BTBD2: variants seen among roughly 807,000 people sequenced by gnomAD.
BTBD2 encodes BTB/POZ domain-containing protein 2.
Under a neutral mutation model 44.0 loss-of-function variants are expected in BTBD2, and 15 were observed. The observed-to-expected ratio is 0.34, with a 90% CI of 0.23 to 0.53. The LOEUF is 0.53. Among genes scored for constraint, BTBD2 ranks in the 20% least tolerant of loss-of-function variants. The pLI is 0.95. For missense variants in BTBD2, 657 were observed against 746.4 expected (o/e 0.88, Z 1.39); for synonymous variants, 443 against 335.9 (o/e 1.32, Z -3.49).
Position 1,989,013 on chromosome 19 carries a change from A to G in BTBD2, c.988+991T>C, listed in dbSNP as rs187203463. Among the ~76,000 whole-genome samples, 150 of 152,234 alleles carry G rather than the reference A, an allele frequency of 9.9e-4. 4 individuals carry two copies. The East Asian group carries it at 0.025, about 26-fold the overall frequency. On this transcript the variant is annotated intron_variant, in intron 5 of 8. Coordinates refer to ENST00000255608, the MANE Select transcript of BTBD2 (RefSeq NM_017797.4). ...TCACAACCTCCACCTCCTGGGTTCAAGTGATTCTCCTGCCTCAGCCTCCCG... is the reference window on the plus strand; with the variant it reads ...TCACAACCTCCACCTCCTGGGTTCAGGTGATTCTCCTGCCTCAGCCTCCCG...
rs2016264552 is a variant in BTBD2 at position 1,997,346 on chromosome 19, G to A, written c.525C>T (p.Leu175=). The A allele has an allele frequency of 6.2e-7, 1 of 1,614,022 alleles. No homozygotes were observed. The highest frequency in any genetic ancestry group is 1.7e-5 in the Admixed American group (1 of 59,978). ...DVEPAAFLAL[L]KFLYSDEVQI... is the part of the protein sequence containing the mutation. ...CAGGAAGCATCCGGAAGCATTACTT[G>A]AGCAGTGCGAGGAAGGCAGCGGGTT... The change falls in exon 2 of 9, where the codon CTC becomes CTT. Residue 175 remains leucine, a splice_region_variant and synonymous_variant. Transcript: ENST00000255608.
chr19:2,013,058 C>A, intron 1 of BTBD2, among the ~76,000 whole-genome samples: 1 of 152,174 alleles, frequency 6.6e-6, no homozygotes, highest in East Asian at 1.9e-4. Context: ...GCGACACGGA[C>A]GGCACAAGCC....
chr19:2,009,898 A>C (rs1281139168), intron 1 of BTBD2, among the ~76,000 whole-genome samples: 1 of 151,782 alleles, frequency 6.6e-6, no homozygotes, highest in Non-Finnish European at 1.5e-5. Flanking sequence ...TCACGCCTGT[A>C]ATCCCAGCAC....
At chr19:2,007,791 G>C (rs2016413331) in intron 1 of BTBD2, among the ~76,000 whole-genome samples, 1 of 152,070 alleles carries the variant, frequency 6.6e-6, no homozygotes, top group South Asian at 2.1e-4. Flanking sequence ...TCATGCCACT[G>C]CACTTCAGCC....
intron 1 of BTBD2, among the ~76,000 whole-genome samples, chr19:2,004,653 A>G (rs1185963559): frequency 6.8e-6 from 1 of 147,312 alleles, no homozygotes; most frequent in Non-Finnish European, 1.5e-5. Flanking sequence ...CAGGGTTCAC[A>G]TAACAAACCT....
intron 1 of BTBD2, among the ~76,000 whole-genome samples, chr19:2,009,407 C>G (rs958269740): frequency 6.6e-6 from 1 of 151,666 alleles, no homozygotes; most frequent in African/African-American, 2.4e-5. Flanking sequence ...ACCATGTTGT[C>G]CAGGCTGGTC....
chr19:1,996,553 A>G (rs2016253880), intron 2 of BTBD2, among the ~76,000 whole-genome samples: 1 of 150,970 alleles, frequency 6.6e-6, no homozygotes, highest in Non-Finnish European at 1.5e-5. Flanking sequence ...GTCAAAAAAA[A>G]AAAAAAAAAG....
chr19:1,999,945 G>C (rs1287054471), intron 1 of BTBD2, among the ~76,000 whole-genome samples: 1 of 139,070 alleles, frequency 7.2e-6, no homozygotes, highest in Non-Finnish European at 1.5e-5. Context: ...TTGGGTGACA[G>C]AGCAAGACTA....
At position 1,989,958 on chromosome 19, in the gene BTBD2, G is replaced by A. The variant is rs138198119; in HGVS notation, c.988+46C>T. On this transcript the variant is annotated intron_variant, in intron 5 of 8. Transcript: ENST00000255608. ...CCTCGGTACCCAGATGCCCACCTGT[G>A]TGCCACTCCCCTCCCAAACCAGCCC... 145 of 1,603,638 alleles carry A rather than the reference G, an allele frequency of 9.0e-5. 1 individual carries two copies. In the East Asian group the frequency reaches 3.0e-3, roughly 34 times the overall value.
chr19:2,015,559 C>T lies in BTBD2; in HGVS notation c.145G>A (p.Ala49Thr), dbSNP rs2016524795. The T allele has an allele frequency of 1.1e-6, 1 of 942,064 alleles. No homozygotes were observed. The highest frequency in any genetic ancestry group is 1.9e-5 in the African/African-American group (1 of 53,092). 58.4% of individuals were successfully genotyped at this position (942,064 alleles called of 1,614,324 possible). ...GNAAAAAAAA[A>T]AAAAAPGPTP... ...GGCCCAGGGGCGGCGGCGGCGGCGGCGGCGGCGGCGGCGGCGGCGGCCGCG... is the reference window on the plus strand; with the variant it reads ...GGCCCAGGGGCGGCGGCGGCGGCGGTGGCGGCGGCGGCGGCGGCGGCCGCG... Residue 49 changes from alanine (A) to threonine (T), a missense_variant, in exon 1 of 9, where the codon GCC becomes ACC. This residue lies in a region of BTBD2 where 191 missense variants were observed against 188.5 expected (regional missense o/e 1.01). Coordinates refer to ENST00000255608, the MANE Select transcript of BTBD2 (RefSeq NM_017797.4).
chr19:1,987,329 A>G (rs2016102188), intron 6 of BTBD2, 76 bp from the exon 7 acceptor site: 3 of 1,380,976 alleles, frequency 2.2e-6, no homozygotes, highest in South Asian at 2.4e-5. Context: ...GCCCACCCCC[A>G]TGCCCGGTCC....
intron 1 of BTBD2, among the ~76,000 whole-genome samples, chr19:2,011,203 G>GC (rs1305245529): frequency 6.6e-6 from 1 of 151,908 alleles, no homozygotes; most frequent in Non-Finnish European, 1.5e-5. Context: ...CCCCACCACA[G>GC]CCCCCCACGC....
Position 2,015,318 on chromosome 19 carries a change from G to C in BTBD2, c.386C>G (p.Ser129Trp). Residue 129 changes from serine to tryptophan, a missense_variant, in exon 1 of 9, where the codon TCG (serine) becomes TGG (tryptophan). By Grantham distance (177) the Ser-to-Trp change is radical. Transcript: ENST00000255608. ...CCACCTGTGCGCGGGGATGCGCTGCGAGCTGAGCCCCTTGCCCACCAGGAA... is the reference window on the plus strand; with the variant it reads ...CCACCTGTGCGCGGGGATGCGCTGCCAGCTGAGCCCCTTGCCCACCAGGAA... ...VHFLVGKGLS[S>W]QRIPAHRFVL... 6.4e-7 allele frequency: 1 copy of C among 1,572,134 alleles called. No individual in the cohort carries two copies. The highest frequency in any genetic ancestry group is 8.6e-7 in the Non-Finnish European group (1 of 1,166,586).
At chr19:2,010,101 G>A (rs58832445) in intron 1 of BTBD2, among the ~76,000 whole-genome samples, 1 of 152,168 alleles carries the variant, frequency 6.6e-6, no homozygotes, top group African/African-American at 2.4e-5. Flanking sequence ...GCAGTGAGCG[G>A]AGATCGCGCC....
chr19:2,008,286 G>T (rs1324561233), intron 1 of BTBD2, among the ~76,000 whole-genome samples: 13 of 147,482 alleles, frequency 8.8e-5, no homozygotes, highest in Admixed American at 1.4e-4. Context: ...TTACAGGGGT[G>T]AGCCACTGCG....
intron 3 of BTBD2, 126 bp downstream of exon 3, chr19:1,992,894 C>G (rs950580546): frequency 1.0e-6 from 1 of 953,870 alleles, no homozygotes; most frequent in Non-Finnish European, 1.4e-6. Context: ...TACTACCAGG[C>G]AGGAGCCTGC....
chr19:1,990,626 T>A, intron 4 of BTBD2, 91 bp downstream of exon 4: 3 of 1,236,546 alleles, frequency 2.4e-6, no homozygotes, highest in East Asian at 5.1e-5. Flanking sequence ...CCTGTGCAAC[T>A]CCCCCAGGCC....
At chr19:2,008,130 G>A (rs904292170) in intron 1 of BTBD2, among the ~76,000 whole-genome samples, 5 of 151,398 alleles carry the variant, frequency 3.3e-5, no homozygotes, top group African/African-American at 4.9e-5. Context: ...TCAACCTCCC[G>A]AGTAGCTGGG....
At chr19:2,010,131 A>C (rs1195456705) in intron 1 of BTBD2, among the ~76,000 whole-genome samples, 3 of 152,212 alleles carry the variant, frequency 2.0e-5, no homozygotes. Context: ...CAGCCTGGGC[A>C]ACAGAGCGAG....
Sources: allele counts gnomAD v4.1 joint callset (sites outside exome capture counted in the v4.1 genomes callset), GRCh38; gene constraint gnomAD v4.1.1; regional missense constraint gnomAD v4.1.1; transcripts MANE v1.5; gene names NCBI Gene and HGNC (gene_info 2026-07-23, HGNC 2026-07-21).